Variants in OXCT1 observed in about 807,000 individuals in gnomAD.
OXCT1 encodes the protein succinyl-CoA:3-ketoacid coenzyme A transferase 1, mitochondrial.
OXCT1 carries 27 observed loss-of-function variants against 69.6 expected under a neutral mutation model. The observed-to-expected ratio is 0.39, with a 90% CI of 0.29 to 0.54. OXCT1 has a LOEUF of 0.54. Among genes scored for constraint, OXCT1 ranks in the 20% least tolerant of loss-of-function variants. The pLI, the probability that OXCT1 is intolerant of heterozygous loss-of-function variation, is 0.72. For missense variants in OXCT1, 437 were observed against 650.2 expected (o/e 0.67, Z 3.57); for synonymous variants, 202 against 217.8 (o/e 0.93, Z 0.64).
chr5:41,810,165 T>C (rs1284679016), intron 7 of OXCT1, among the ~76,000 whole-genome samples: 1 of 152,004 alleles, frequency 6.6e-6, no homozygotes, highest in African/African-American at 2.4e-5. Flanking sequence ...TCGTGTGATC[T>C]TGAGAACAAT....
chr5:41,785,493 G>C (rs1282793560), intron 13 of OXCT1, among the ~76,000 whole-genome samples: 1 of 152,094 alleles, frequency 6.6e-6, no homozygotes, highest in Non-Finnish European at 1.5e-5. Context: ...ACTGTTTAGA[G>C]CAAAAATAAT....
intron 10 of OXCT1, 90 bp from the exon 11 acceptor site, chr5:41,801,160 C>T (rs1746408410): frequency 9.7e-7 from 1 of 1,035,144 alleles, no homozygotes; most frequent in African/African-American, 1.6e-5. Flanking sequence ...TCCCTAAAAA[C>T]CCTATAAATT....
At chr5:41,769,173 T>C (rs1744760069) in intron 13 of OXCT1, among the ~76,000 whole-genome samples, 1 of 152,156 alleles carries the variant, frequency 6.6e-6, no homozygotes. Flanking sequence ...CATTATCAGC[T>C]TTAAGATCAG....
intron 13 of OXCT1, among the ~76,000 whole-genome samples, chr5:41,775,056 A>C (rs961471488): frequency 6.6e-6 from 1 of 152,192 alleles, no homozygotes; most frequent in Non-Finnish European, 1.5e-5. Context: ...ATTGCAAAAT[A>C]CATAATACTT....
At chr5:41,807,223 C>T (rs1426011870) in intron 8 of OXCT1, 108 bp downstream of exon 8, 1 of 724,024 alleles carries the variant, frequency 1.4e-6, no homozygotes, top group Non-Finnish European at 2.5e-6. Flanking sequence ...AGATCCAAGA[C>T]CAGACTTTCT....
At chr5:41,766,753 T>C (rs1236439151) in intron 13 of OXCT1, among the ~76,000 whole-genome samples, 2 of 152,170 alleles carry the variant, frequency 1.3e-5, no homozygotes, top group Non-Finnish European at 2.9e-5. Context: ...CATTAGTACA[T>C]AAACAGTAAT....
chr5:41,774,348 T>G (rs1745021339), intron 13 of OXCT1, among the ~76,000 whole-genome samples: 2 of 152,188 alleles, frequency 1.3e-5, no homozygotes, highest in Admixed American at 1.3e-4. Context: ...CTAGAAGCAA[T>G]GATAGCCCAG....
chr5:41,829,765 A>G (rs1341670809), intron 7 of OXCT1, among the ~76,000 whole-genome samples: 2 of 152,166 alleles, frequency 1.3e-5, no homozygotes, highest in African/African-American at 2.4e-5. Flanking sequence ...TTTTATATTT[A>G]TTACTTCCTT....
chr5:41,748,624 A>G (rs1024653909), intron 15 of OXCT1, among the ~76,000 whole-genome samples: 3 of 151,972 alleles, frequency 2.0e-5, no homozygotes, highest in Non-Finnish European at 2.9e-5. Context: ...GGAAGGCATC[A>G]TTTAGGACAG....
chr5:41,823,297 GA>G (rs1158220535), intron 7 of OXCT1, among the ~76,000 whole-genome samples: 2 of 152,162 alleles, frequency 1.3e-5, no homozygotes, highest in African/African-American at 4.8e-5. Flanking sequence ...CCCCTTGCCA[GA>G]AGCACAAGGA....
chr5:41,820,877 T>G (rs1052189446), intron 7 of OXCT1, among the ~76,000 whole-genome samples: 2 of 152,172 alleles, frequency 1.3e-5, no homozygotes, highest in Non-Finnish European at 2.9e-5. Context: ...GGAGAGGGAT[T>G]GGGTGGGGTT....
intron 7 of OXCT1, among the ~76,000 whole-genome samples, chr5:41,838,026 T>C (rs1181547102): frequency 6.6e-6 from 1 of 152,200 alleles, no homozygotes; most frequent in Non-Finnish European, 1.5e-5. Context: ...CAGAAGAATA[T>C]GCAGTTAACT....
At chr5:41,739,365 T>C (rs1042355081) in intron 16 of OXCT1, 25 bp downstream of exon 16, 10 of 1,402,866 alleles carry the variant, frequency 7.1e-6, no homozygotes, top group African/African-American at 4.2e-5. Context: ...GACAAGTGTC[T>C]GGATTTGTTC....
chr5:41,806,489 T>C (rs1457932006), intron 8 of OXCT1, among the ~76,000 whole-genome samples: 1 of 152,092 alleles, frequency 6.6e-6, no homozygotes, highest in African/African-American at 2.4e-5. Flanking sequence ...AGATGCGGCC[T>C]AGTGGGAAGT....
At chr5:41,784,579 A>T (rs1301129507) in intron 13 of OXCT1, among the ~76,000 whole-genome samples, 4 of 152,350 alleles carry the variant, frequency 2.6e-5, no homozygotes, top group Non-Finnish European at 5.9e-5. Context: ...CCTGTGGCAG[A>T]ATGTGAAGCA....
chr5:41,794,128 C>G (rs752724685), intron 12 of OXCT1, 50 bp from the exon 13 acceptor site: 60 of 1,412,244 alleles, frequency 4.2e-5, no homozygotes, highest in Non-Finnish European at 5.5e-5. Flanking sequence ...CTTTTGTCCC[C>G]TTTGCTTGAA....
At chr5:41,858,535 T>G (rs1419583062) in intron 3 of OXCT1, among the ~76,000 whole-genome samples, 1 of 152,188 alleles carries the variant, frequency 6.6e-6, no homozygotes, top group East Asian at 1.9e-4. Context: ...TTTTCCTGCA[T>G]CATAACAAAC....
chr5:41,864,785 C>T (rs1749888005), intron 1 of OXCT1, among the ~76,000 whole-genome samples: 1 of 152,188 alleles, frequency 6.6e-6, no homozygotes, highest in South Asian at 2.1e-4. Flanking sequence ...ACCTCTCATA[C>T]TCCACTTCTC....
intron 13 of OXCT1, among the ~76,000 whole-genome samples, chr5:41,775,260 A>C (rs1437113581): frequency 6.6e-6 from 1 of 152,114 alleles, no homozygotes; most frequent in African/African-American, 2.4e-5. Context: ...CCTGATAGCA[A>C]GTCCAGGCCA....
Sources: gnomAD v4.1 joint callset for allele counts (sites outside exome capture counted in the v4.1 genomes callset) on GRCh38, gnomAD v4.1.1 for gene constraint, MANE v1.5 for transcripts, NCBI Gene and HGNC (gene_info 2026-07-23, HGNC 2026-07-21) for gene names.